The following KATNIP variants were observed in gnomAD, a reference collection of about 807,000 sequenced individuals.
KATNIP encodes the protein katanin-interacting protein.
In KATNIP, 126 loss-of-function variants were observed where a neutral mutation model predicts 174.0. That is an observed-to-expected ratio of 0.72 (90% CI 0.63 to 0.84). The LOEUF (loss-of-function observed/expected upper bound fraction) is 0.84, where lower values mean the gene tolerates loss of function less well. KATNIP is among the 40% of genes least tolerant of loss of function. KATNIP has a pLI of 0.00. For missense variants in KATNIP, 1,958 were observed against 2,109.7 expected (o/e 0.93, Z 1.41); for synonymous variants, 810 against 835.7 (o/e 0.97, Z 0.53).
At chr16:27,666,064 T>G (rs1344622182) in intron 6 of KATNIP, among the ~76,000 whole-genome samples, 4 of 152,218 alleles carry the variant, frequency 2.6e-5, no homozygotes, top group Non-Finnish European at 1.5e-5. Context: ...CCTTATGGAT[T>G]GCTCAGCCAG....
chr16:27,608,223 ATTC>A (rs2075770850), intron 2 of KATNIP, among the ~76,000 whole-genome samples: 1 of 142,476 alleles, frequency 7.0e-6, no homozygotes, highest in Non-Finnish European at 1.5e-5. Flanking sequence ...CATTGGTAAA[ATTC>A]TTTTTTTTTT....
chr16:27,753,556 G>A (rs942571116), intron 17 of KATNIP, among the ~76,000 whole-genome samples: 5 of 152,202 alleles, frequency 3.3e-5, no homozygotes, highest in African/African-American at 7.2e-5. Context: ...GTGGCCCACC[G>A]TTGACTCTCT....
chr16:27,667,559 TG>T (rs2077728797), intron 6 of KATNIP, among the ~76,000 whole-genome samples: 1 of 152,092 alleles, frequency 6.6e-6, no homozygotes, highest in South Asian at 2.1e-4. Context: ...GAGACATTAT[TG>T]GGGTTCCAGG....
At chr16:27,574,079 C>A in intron 2 of KATNIP, 123 bp downstream of exon 2, 1 of 804,802 alleles carries the variant, frequency 1.2e-6, no homozygotes, top group Middle Eastern at 2.4e-4. Flanking sequence ...AGCTTGAATC[C>A]TGGAGCAAAT....
chr16:27,559,979 T>TA (rs1232396883), intron 1 of KATNIP, among the ~76,000 whole-genome samples: 5 of 149,726 alleles, frequency 3.3e-5, no homozygotes, highest in East Asian at 2.0e-4. Context: ...AGACTCTGTA[T>TA]AAAAAAAATA....
At chr16:27,607,273 G>A (rs1296912437) in intron 2 of KATNIP, among the ~76,000 whole-genome samples, 1 of 152,164 alleles carries the variant, frequency 6.6e-6, no homozygotes, top group Non-Finnish European at 1.5e-5. Flanking sequence ...ACATAAACAA[G>A]GTTGTCTGCT....
chr16:27,769,748 C>T (rs746137598), intron 20 of KATNIP, 113 bp from the exon 21 acceptor site: 23 of 1,315,042 alleles, frequency 1.7e-5, no homozygotes, highest in Non-Finnish European at 2.1e-5. Context: ...GGTGGCTCTG[C>T]GAAAGGCTCC....
At chr16:27,652,230 G>A (rs1365752422) in intron 6 of KATNIP, among the ~76,000 whole-genome samples, 2 of 152,188 alleles carry the variant, frequency 1.3e-5, no homozygotes, top group Admixed American at 1.3e-4. Context: ...AAAATGGCCA[G>A]GGGCTGCTAT....
chr16:27,667,648 C>T (rs1162207159), intron 6 of KATNIP, among the ~76,000 whole-genome samples: 1 of 152,136 alleles, frequency 6.6e-6, no homozygotes, highest in Admixed American at 6.5e-5. Context: ...GCTGCTAGCT[C>T]TTGAGGACTG....
intron 13 of KATNIP, among the ~76,000 whole-genome samples, chr16:27,719,431 G>C (rs2080110735): frequency 1.3e-5 from 2 of 152,104 alleles, no homozygotes; most frequent in African/African-American, 4.8e-5. Context: ...GGAGTGCAGT[G>C]GTGCCATCTT....
chr16:27,758,735 C>A (rs2081833483), intron 18 of KATNIP, among the ~76,000 whole-genome samples: 1 of 152,208 alleles, frequency 6.6e-6, no homozygotes, highest in Non-Finnish European at 1.5e-5. Context: ...GCACCCTGGT[C>A]TCAGCTCAAA....
chr16:27,592,963 C>T (rs1044632780), intron 2 of KATNIP, among the ~76,000 whole-genome samples: 1 of 152,210 alleles, frequency 6.6e-6, no homozygotes, highest in Non-Finnish European at 1.5e-5. Context: ...AACTTCATTA[C>T]TTTCTCACAG....
Position 27,700,273 on chromosome 16 carries a change from T to A in KATNIP, c.1179+674T>A, listed in dbSNP as rs187680014. ...GATCTTAGTACCTTGAATAAATAAA[T>A]TTTTTTATCTGTATCTATCTAGGTC... On this transcript the variant is annotated intron_variant, in intron 10 of 27. Transcript: ENST00000261588. Among the ~76,000 whole-genome samples the A allele has an allele frequency of 1.1e-3, 169 of 149,206 alleles. 2 individuals carry two copies. The highest frequency in any genetic ancestry group is 3.7e-3 in the African/African-American group (155 of 41,374).
chr16:27,664,203 A>C (rs2077613999), intron 6 of KATNIP, among the ~76,000 whole-genome samples: 1 of 152,122 alleles, frequency 6.6e-6, no homozygotes, highest in South Asian at 2.1e-4. Flanking sequence ...GTTTTGTATT[A>C]GTTTCTAATT....
intron 19 of KATNIP, among the ~76,000 whole-genome samples, 169 bp from the exon 20 acceptor site, chr16:27,766,140 C>T (rs1300157470): frequency 6.6e-6 from 1 of 151,494 alleles, no homozygotes; most frequent in African/African-American, 2.4e-5. Context: ...TGAGAGACGA[C>T]TTCTGACTGT....
At chr16:27,762,341 T>C (rs2081982908) in intron 19 of KATNIP, among the ~76,000 whole-genome samples, 1 of 152,178 alleles carries the variant, frequency 6.6e-6, no homozygotes, top group Non-Finnish European at 1.5e-5. Flanking sequence ...ACTGCCAGTT[T>C]TTGAGCACTT....
intron 6 of KATNIP, among the ~76,000 whole-genome samples, chr16:27,658,704 A>G (rs966445025): frequency 2.6e-5 from 4 of 152,150 alleles, no homozygotes; most frequent in African/African-American, 7.2e-5. Flanking sequence ...ATGGAAGTAC[A>G]GAAGCAGATA....
Position 27,704,015 on chromosome 16 carries a change from G to T in KATNIP, c.1389+17G>T. The T allele has an allele frequency of 6.3e-7, 1 of 1,597,100 alleles. No homozygotes were observed. The highest frequency in any genetic ancestry group is 1.1e-5 in the South Asian group (1 of 90,674). On this transcript the variant is annotated intron_variant, in intron 12 of 27. Coordinates refer to ENST00000261588, the MANE Select transcript of KATNIP (RefSeq NM_015202.5). ...GACACAGAGGTGAGAGCCTTGACTT[G>T]ATTTTCAGTTGTACATTCAGGAAGT...
chr16:27,746,399 A>G (rs1448492497), intron 15 of KATNIP, among the ~76,000 whole-genome samples: 1 of 152,110 alleles, frequency 6.6e-6, no homozygotes, highest in African/African-American at 2.4e-5. Flanking sequence ...GCCTGAGGGG[A>G]GAGGATGGAA....
Sources: gnomAD v4.1 joint callset for allele counts (sites outside exome capture counted in the v4.1 genomes callset) on GRCh38, gnomAD v4.1.1 for gene constraint, MANE v1.5 for transcripts, NCBI Gene and HGNC (gene_info 2026-07-23, HGNC 2026-07-21) for gene names.